HPCAL1: variants seen among roughly 807,000 people sequenced by gnomAD.
HPCAL1 encodes hippocalcin like 1, also known as hippocalcin-like protein 1.
HPCAL1 carries 8 observed loss-of-function variants against 17.1 expected under a neutral mutation model. That is an observed-to-expected ratio of 0.47 (90% CI 0.27 to 0.84). The LOEUF (loss-of-function observed/expected upper bound fraction) is 0.84. Among genes scored for constraint, HPCAL1 ranks in the 40% least tolerant of loss-of-function variants. The probability of loss-of-function intolerance (pLI) is 0.13; values close to 1 mark genes in which losing one functional copy is unlikely to be tolerated. For synonymous variants in HPCAL1, 112 were observed against 111.4 expected, an observed-to-expected ratio of 1.01 and a Z score of -0.03; for missense variants, 165 against 271.1, an observed-to-expected ratio of 0.61 and a Z score of 2.75.
In HPCAL1 at chr2:10,367,728, G is replaced by A. The variant is rs1047068330; in HGVS notation, c.-110-29107G>A. 1.4e-4 allele frequency among the ~76,000 whole-genome samples: 21 copies of A among 152,294 alleles called. No individual in the cohort carries two copies. The highest frequency in any genetic ancestry group is 1.2e-3 in the South Asian group (6 of 4,828). On this transcript the variant is annotated intron_variant, in intron 1 of 4. Transcript: ENST00000307845. This position sits in a 1 kb window ranked among gnomAD's most constrained non-coding sequence, Gnocchi z 4.4. ...TCCCATGGAAAGCCTTAGAACTGAT[G>A]TCAGTGTGAGCCCTGTGCTGGAGTG...
At chr2:10,389,830 T>C (rs1486277757) in intron 1 of HPCAL1, among the ~76,000 whole-genome samples, 1 of 152,210 alleles carries the variant, frequency 6.6e-6, no homozygotes, top group African/African-American at 2.4e-5. Context: ...TGGGACAAAT[T>C]GTGCAGCTCT....
Position 10,376,307 on chromosome 2 carries a change from G to C in HPCAL1, c.-110-20528G>C, listed in dbSNP as rs556958222. ...GCCATTTATTAACATAATTTTAAAA[G>C]ATTTCAGTCTTGTGCTGAAATTGTT... On this transcript the variant is annotated intron_variant, in intron 1 of 4. Coordinates refer to ENST00000307845, the MANE Select transcript of HPCAL1 (RefSeq NM_002149.4). 7.6e-4 allele frequency among the ~76,000 whole-genome samples: 115 copies of C among 152,292 alleles called. No homozygotes were observed. The South Asian group carries it at 0.022, about 29-fold the overall frequency.
At chr2:10,326,203 C>T (rs184027114) in intron 1 of HPCAL1, among the ~76,000 whole-genome samples, 3 of 152,172 alleles carry the variant, frequency 2.0e-5, no homozygotes, top group African/African-American at 7.2e-5. Flanking sequence ...GGTAAACGTT[C>T]GTTAACTTAG....
chr2:10,359,931 G>A lies in HPCAL1; in HGVS notation c.-110-36904G>A, dbSNP rs560417369. Among the ~76,000 whole-genome samples the A allele has an allele frequency of 3.9e-5, 6 of 152,184 alleles. No individual in the cohort carries two copies. In the South Asian group the frequency reaches 1.2e-3, roughly 32 times the overall value. ...GTCCACAGCGCCCGCCGGGTCCACAGCGCCCGCCGGGTCCACAGCGCCCAC... is the reference window on the plus strand; with the variant it reads ...GTCCACAGCGCCCGCCGGGTCCACAACGCCCGCCGGGTCCACAGCGCCCAC... On this transcript the variant is annotated intron_variant, in intron 1 of 4. Coordinates refer to ENST00000307845, the MANE Select transcript of HPCAL1 (RefSeq NM_002149.4). This position sits in a 1 kb window ranked among gnomAD's most constrained non-coding sequence, Gnocchi z 4.1.
At chr2:10,334,700 T>C (rs1318219594) in intron 1 of HPCAL1, among the ~76,000 whole-genome samples, 1 of 151,108 alleles carries the variant, frequency 6.6e-6, no homozygotes, top group Admixed American at 6.6e-5. Flanking sequence ...ATTGACTTTT[T>C]TTTGAGGCAG....
At chr2:10,393,605 C>A (rs1668836875) in intron 1 of HPCAL1, among the ~76,000 whole-genome samples, 2 of 152,352 alleles carry the variant, frequency 1.3e-5, no homozygotes, top group South Asian at 4.1e-4. Context: ...CTCTGTGGAG[C>A]TGGTCACTGA....
At chr2:10,350,026 C>A (rs968993641) in intron 1 of HPCAL1, among the ~76,000 whole-genome samples, 7 of 152,180 alleles carry the variant, frequency 4.6e-5, no homozygotes, top group Non-Finnish European at 8.8e-5. Context: ...AATTGAACAG[C>A]CATCTTCCCC....
intron 1 of HPCAL1, among the ~76,000 whole-genome samples, chr2:10,385,362 G>GCAGTATC (rs55874921): frequency 6.6e-6 from 1 of 151,270 alleles, no homozygotes; most frequent in Non-Finnish European, 1.5e-5. Flanking sequence ...TGTCGGGAAT[G>GCAGTATC]CAGGGCTGAA....
chr2:10,312,890 T>C (rs1268603131), intron 1 of HPCAL1, among the ~76,000 whole-genome samples: 2 of 151,710 alleles, frequency 1.3e-5, no homozygotes, highest in African/African-American at 4.8e-5. Context: ...TCACCATCAC[T>C]ATCATCGTCA....
intron 1 of HPCAL1, among the ~76,000 whole-genome samples, chr2:10,376,421 C>T (rs1667562559): frequency 6.8e-6 from 1 of 146,744 alleles, no homozygotes; most frequent in South Asian, 2.2e-4. Flanking sequence ...CCTTAATAAA[C>T]TTGACTTTAC....
At chr2:10,340,991 A>T (rs1224324345) in intron 1 of HPCAL1, among the ~76,000 whole-genome samples, 1 of 152,124 alleles carries the variant, frequency 6.6e-6, no homozygotes, top group Non-Finnish European at 1.5e-5. Context: ...TAGATACTAT[A>T]TTGGATATGT....
intron 1 of HPCAL1, among the ~76,000 whole-genome samples, chr2:10,376,215 C>T (rs949370112): frequency 6.6e-6 from 1 of 152,212 alleles, no homozygotes; most frequent in African/African-American, 2.4e-5. Flanking sequence ...AGACACTTTT[C>T]TTTATAAATT....
In HPCAL1 at chr2:10,310,127, A is replaced by G. The variant is rs772909386; in HGVS notation, c.-111+6950A>G. Among the ~76,000 whole-genome samples the G allele has an allele frequency of 1.3e-5, 2 of 151,972 alleles. No homozygotes were observed. The highest frequency in any genetic ancestry group is 2.9e-5 in the Non-Finnish European group (2 of 67,980). ...TAGGCTGAGCTCAGATATTGACAGG[A>G]ACTACAATTCAAACCCAGGTCTGCA... On this transcript the variant is annotated intron_variant, in intron 1 of 4. Coordinates refer to ENST00000307845, the MANE Select transcript of HPCAL1 (RefSeq NM_002149.4). This position sits in a 1 kb window ranked among gnomAD's most constrained non-coding sequence, Gnocchi z 4.5.
rs75265384 is a variant in HPCAL1 at position 10,374,234 on chromosome 2, C to T, written c.-110-22601C>T. Reference sequence around the variant, plus strand: ...GCAGAACGCCAGAGCCCTGGGACAACGGGCTGCATAAAACACTTATTTTAA... The same window carrying T: ...GCAGAACGCCAGAGCCCTGGGACAATGGGCTGCATAAAACACTTATTTTAA... On this transcript the variant is annotated intron_variant, in intron 1 of 4. Transcript: ENST00000307845. Among the ~76,000 whole-genome samples, 23 of 151,584 alleles carry T rather than the reference C, an allele frequency of 1.5e-4. 1 individual carries two copies. The highest frequency in any genetic ancestry group is 8.3e-4 in the South Asian group (4 of 4,820).
intron 1 of HPCAL1, among the ~76,000 whole-genome samples, chr2:10,396,101 C>T (rs554724917): frequency 9.2e-5 from 14 of 152,296 alleles, no homozygotes; most frequent in Admixed American, 7.8e-4. Flanking sequence ...TGGGAGTGGC[C>T]GAGCACCTAG....
intron 1 of HPCAL1, among the ~76,000 whole-genome samples, chr2:10,315,561 C>G (rs1663262930): frequency 6.6e-6 from 1 of 152,158 alleles, no homozygotes. Context: ...ATTTGCTTAC[C>G]AAACTTTCTT....
At chr2:10,306,750 T>C (rs929062277) in intron 1 of HPCAL1, among the ~76,000 whole-genome samples, 6 of 152,214 alleles carry the variant, frequency 3.9e-5, no homozygotes, top group African/African-American at 1.4e-4. Context: ...GGCGCAAGTC[T>C]CAAGATTTTT....
At chr2:10,328,446 T>G (rs1664148217) in intron 1 of HPCAL1, among the ~76,000 whole-genome samples, 1 of 152,220 alleles carries the variant, frequency 6.6e-6, no homozygotes. Flanking sequence ...GGAGGGAGTT[T>G]CTGGAAGAGA....
At chr2:10,378,481 C>A (rs1392249085) in intron 1 of HPCAL1, among the ~76,000 whole-genome samples, 1 of 152,124 alleles carries the variant, frequency 6.6e-6, no homozygotes, top group Non-Finnish European at 1.5e-5. Context: ...AGGGCGTCCG[C>A]ATTGTCAGGT....
Sources: gnomAD v4.1 joint callset for allele counts (sites outside exome capture counted in the v4.1 genomes callset) on GRCh38, gnomAD v4.1.1 for gene constraint, Gnocchi (gnomAD v3.1) non-coding constraint, MANE v1.5 for transcripts, NCBI Gene and HGNC (gene_info 2026-07-23, HGNC 2026-07-21) for gene names.